The following GPR107 variants were observed in gnomAD, a reference collection of about 807,000 sequenced individuals.
GPR107 encodes the protein protein GPR107.
Under a neutral mutation model 75.5 loss-of-function variants are expected in GPR107, and 31 were observed. The observed-to-expected ratio is 0.41, with a 90% CI of 0.31 to 0.55. The LOEUF is 0.55. GPR107 is among the 20% of genes least tolerant of loss of function. The pLI, the probability that GPR107 is intolerant of heterozygous loss-of-function variation, is 0.26. For missense variants in GPR107, 572 were observed against 665.7 expected (o/e 0.86, Z 1.55); for synonymous variants, 267 against 251.3 (o/e 1.06, Z -0.59).
intron 4 of GPR107, among the ~76,000 whole-genome samples, chr9:130,078,205 A>G (rs934796097): frequency 6.6e-6 from 1 of 151,870 alleles, no homozygotes; most frequent in Non-Finnish European, 1.5e-5. Context: ...GAATTATCAG[A>G]CTTTGTGTTT....
intron 6 of GPR107, among the ~76,000 whole-genome samples, chr9:130,083,866 C>A (rs1480362782): frequency 6.6e-6 from 1 of 151,960 alleles, no homozygotes; most frequent in African/African-American, 2.4e-5. Context: ...TACTTTAAAT[C>A]ATCTCTGGAG....
intron 1 of GPR107, 145 bp from the exon 2 acceptor site, chr9:130,075,491 C>T (rs1830321536): frequency 3.8e-6 from 2 of 528,412 alleles, no homozygotes; most frequent in South Asian, 2.1e-5. Flanking sequence ...GGTGATCCAC[C>T]CGCCTCAGTC....
At chr9:130,109,927 A>G (rs1700355753) in intron 14 of GPR107, among the ~76,000 whole-genome samples, 1 of 151,978 alleles carries the variant, frequency 6.6e-6, no homozygotes, top group African/African-American at 2.4e-5. Context: ...TATCTTATAC[A>G]CTTCTGTATT....
intron 14 of GPR107, among the ~76,000 whole-genome samples, chr9:130,118,043 G>A (rs554043965): frequency 2.0e-5 from 3 of 152,322 alleles, no homozygotes; most frequent in South Asian, 2.1e-4. Context: ...AGCATGAAGC[G>A]TAGGTGTTAA....
chr9:130,064,581 A>G (rs538223460), intron 1 of GPR107, among the ~76,000 whole-genome samples: 22 of 152,314 alleles, frequency 1.4e-4, no homozygotes, highest in African/African-American at 5.3e-4. Context: ...AGGCACTAGG[A>G]CATTTCAGGG....
intron 14 of GPR107, among the ~76,000 whole-genome samples, chr9:130,114,831 C>A (rs1831383926): frequency 6.6e-6 from 1 of 152,230 alleles, no homozygotes; most frequent in Non-Finnish European, 1.5e-5. Flanking sequence ...TTGAGTCTCT[C>A]ATGGACATGG....
intron 1 of GPR107, among the ~76,000 whole-genome samples, chr9:130,060,414 T>TG: frequency 6.8e-6 from 1 of 146,728 alleles, no homozygotes; most frequent in Admixed American, 6.8e-5. Context: ...TTTTTTTTTT[T>TG]TTTTTTTTTT....
At chr9:130,087,339 CACTT>C (rs1417889464) in intron 7 of GPR107, among the ~76,000 whole-genome samples, 7 of 152,090 alleles carry the variant, frequency 4.6e-5, no homozygotes, top group Admixed American at 2.0e-4. Context: ...TGCCTGGTCT[CACTT>C]ACTTTCTGAA....
intron 1 of GPR107, among the ~76,000 whole-genome samples, chr9:130,064,185 C>T (rs1279971165): frequency 3.6e-4 from 30 of 82,558 alleles, no homozygotes; most frequent in East Asian, 7.5e-4. Flanking sequence ...AATAGCTTTT[C>T]TTTTTTTTTT....
chr9:130,076,084 G>T (rs555526929), intron 2 of GPR107, among the ~76,000 whole-genome samples: 347 of 152,100 alleles, frequency 2.3e-3, no homozygotes, highest in African/African-American at 8.0e-3. Context: ...CCAGCCCAGG[G>T]GTTTACTCTT....
At chr9:130,069,578 C>T (rs562284818) in intron 1 of GPR107, among the ~76,000 whole-genome samples, 4 of 152,330 alleles carry the variant, frequency 2.6e-5, no homozygotes, top group Admixed American at 1.3e-4. Flanking sequence ...TACGAAGTCA[C>T]TTCCATACAT....
intron 17 of GPR107, among the ~76,000 whole-genome samples, chr9:130,132,807 A>G (rs1831858896): frequency 9.9e-6 from 1 of 101,418 alleles, no homozygotes; most frequent in Admixed American, 9.2e-5. Flanking sequence ...TAAAAAAAAA[A>G]TATATATATA....
intron 9 of GPR107, 51 bp downstream of exon 9, chr9:130,092,432 T>A: frequency 1.3e-6 from 2 of 1,519,910 alleles, no homozygotes; most frequent in Non-Finnish European, 1.8e-6. Context: ...TTGAATAATG[T>A]CACTGTTTGT....
chr9:130,059,410 C>T (rs75461483), intron 1 of GPR107, among the ~76,000 whole-genome samples: 1,548 of 152,158 alleles, frequency 0.01, 27 homozygotes, highest in African/African-American at 0.036. Context: ...ATCACTGTAA[C>T]GCAGGAGGTG....
Position 130,067,306 on chromosome 9 carries a change from G to T in GPR107, c.142-8330G>T, listed in dbSNP as rs1830093430. ...ATAGCTGCTTGTTATTAAAGCATCTGTGATAAGTCAGAGACTGTGCTAAAT... is the reference window on the plus strand; with the variant it reads ...ATAGCTGCTTGTTATTAAAGCATCTTTGATAAGTCAGAGACTGTGCTAAAT... On this transcript the variant is annotated intron_variant, in intron 1 of 17. Transcript: ENST00000347136. 1.3e-5 allele frequency among the ~76,000 whole-genome samples: 2 copies of T among 152,316 alleles called. 1 individual carries two copies. The highest frequency in any genetic ancestry group is 4.1e-4 in the South Asian group (2 of 4,824).
intron 14 of GPR107, among the ~76,000 whole-genome samples, chr9:130,121,379 A>C (rs1328937335): frequency 6.6e-6 from 1 of 152,230 alleles, no homozygotes; most frequent in Non-Finnish European, 1.5e-5. Flanking sequence ...GTTTTAAGAA[A>C]GTTTACAAAT....
Position 130,139,933 on chromosome 9 carries a change from A to G in GPR107, c.*4812A>G, listed in dbSNP as rs556068004. 1.3e-5 allele frequency: 2 copies of G among 152,290 alleles called. No homozygotes were observed. The highest frequency in any genetic ancestry group is 1.9e-4 in the East Asian group (1 of 5,190). The allele number at this position is 152,290 out of a possible 1,614,324, so 9.4% of individuals were successfully genotyped here. ...GAAGTCAGACATATTTAATCCAGAAATAGTTTCGTTTGAGGGAGGGCTTGC... is the reference window on the plus strand; with the variant it reads ...GAAGTCAGACATATTTAATCCAGAAGTAGTTTCGTTTGAGGGAGGGCTTGC... On this transcript the variant is annotated 3_prime_UTR_variant, in exon 18 of 18. Transcript: ENST00000347136.
chr9:130,127,655 T>C (rs940955988), intron 16 of GPR107, 89 bp downstream of exon 16: 1 of 759,646 alleles, frequency 1.3e-6, no homozygotes, highest in African/African-American at 1.7e-5. Context: ...CTAATTTATC[T>C]GGGAATGACC....
rs556799785 is a variant in GPR107, at chr9:130,105,491, C to T, written c.1262+941C>T. 8.6e-5 allele frequency among the ~76,000 whole-genome samples: 13 copies of T among 151,742 alleles called. No homozygotes were observed. The East Asian group carries it at 1.8e-3, about 21-fold the overall frequency. On this transcript the variant is annotated intron_variant, in intron 13 of 17. Transcript: ENST00000347136. Reference sequence around the variant, plus strand: ...AGGCTGGTCTCAAACTCCTGACCTCCGGTGATCCACTTGCCTTGTCCTCCC... The same window carrying T: ...AGGCTGGTCTCAAACTCCTGACCTCTGGTGATCCACTTGCCTTGTCCTCCC...
Sources: gnomAD v4.1 joint callset for allele counts (sites outside exome capture counted in the v4.1 genomes callset) on GRCh38, gnomAD v4.1.1 for gene constraint, MANE v1.5 for transcripts, NCBI Gene and HGNC (gene_info 2026-07-23, HGNC 2026-07-21) for gene names.